The following TMEM132B variants were observed in gnomAD, a reference collection of about 807,000 sequenced individuals.
TMEM132B encodes transmembrane protein 132B.
Under a neutral mutation model 90.8 loss-of-function variants are expected in TMEM132B, and 18 were observed. The observed-to-expected ratio is 0.20, with a 90% CI of 0.14 to 0.29. The LOEUF (loss-of-function observed/expected upper bound fraction) is 0.29, where lower values mean the gene tolerates loss of function less well. TMEM132B is among the 10% of genes least tolerant of loss of function. The probability of loss-of-function intolerance (pLI) is 1.00; values close to 1 mark genes in which losing one functional copy is unlikely to be tolerated. For synonymous variants in TMEM132B, 504 were observed against 523.3 expected (o/e 0.96, Z 0.50); for missense variants, 1,096 against 1,326.8 (o/e 0.83, Z 2.70).
At chr12:125,261,136 G>A (rs981029068) in intron 1 of TMEM132B, among the ~76,000 whole-genome samples, 4 of 152,100 alleles carry the variant, frequency 2.6e-5, no homozygotes, top group African/African-American at 7.2e-5. Flanking sequence ...TTGTCTTCCC[G>A]GTGAGAAGTT....
chr12:125,200,787 T>C (rs1372546627), intron 1 of TMEM132B, among the ~76,000 whole-genome samples: 1 of 152,190 alleles, frequency 6.6e-6, no homozygotes, highest in Non-Finnish European at 1.5e-5. Flanking sequence ...GTTCTTAGAA[T>C]CCAGACCTCT....
At chr12:125,380,743 G>C (rs550589998) in intron 2 of TMEM132B, among the ~76,000 whole-genome samples, 1 of 152,216 alleles carries the variant, frequency 6.6e-6, no homozygotes, top group Non-Finnish European at 1.5e-5. Context: ...GAAGCAAGAG[G>C]AACGCAGCCC....
intron 5 of TMEM132B, among the ~76,000 whole-genome samples, chr12:125,640,989 G>T (rs528215335): frequency 2.0e-5 from 3 of 151,672 alleles, no homozygotes; most frequent in Non-Finnish European, 2.9e-5. Flanking sequence ...TATTACAAAA[G>T]AAATATTGAA....
intron 5 of TMEM132B, among the ~76,000 whole-genome samples, chr12:125,592,596 G>A (rs1337505930): frequency 2.0e-5 from 3 of 152,170 alleles, no homozygotes; most frequent in African/African-American, 7.2e-5. Context: ...CTGGTCACTA[G>A]ATAAAGCCTG....
Position 125,511,290 on chromosome 12 carries a change from A to G in TMEM132B, c.1107-8149A>G, listed in dbSNP as rs989630667. 2.0e-4 allele frequency among the ~76,000 whole-genome samples: 30 copies of G among 152,320 alleles called. 1 individual carries two copies. The East Asian group carries it at 2.7e-3, about 14-fold the overall frequency. The stretch of plus-strand genomic sequence containing the variant: ...TAGAAATACCACATTTTGTTGATCC[A>G]TTCATTGCTTGATAGAAAATTGGGT... On this transcript the variant is annotated intron_variant, in intron 3 of 8. Transcript: ENST00000682704.
chr12:125,272,599 C>T lies in TMEM132B; in HGVS notation c.68-76853C>T, dbSNP rs545081117. 3.0e-4 allele frequency among the ~76,000 whole-genome samples: 45 copies of T among 152,238 alleles called. No homozygotes were observed. In the South Asian group the frequency reaches 5.2e-3, roughly 18 times the overall value. ...AAAAAAAATAAACTCGAGTTGGCAC[C>T]ACATCCAAGTGGCATGTGGCGCGGG... On this transcript the variant is annotated intron_variant, in intron 1 of 8. Coordinates refer to ENST00000682704, the MANE Select transcript of TMEM132B (RefSeq NM_001366854.1).
intron 2 of TMEM132B, among the ~76,000 whole-genome samples, chr12:125,412,882 C>G (rs948068925): frequency 2.6e-5 from 4 of 151,974 alleles, no homozygotes; most frequent in Non-Finnish European, 5.9e-5. Context: ...AGAAAGAAAG[C>G]TTTGTGAAAG....
chr12:125,299,814 C>T (rs966831741), intron 1 of TMEM132B, among the ~76,000 whole-genome samples: 2 of 152,242 alleles, frequency 1.3e-5, no homozygotes, highest in African/African-American at 4.8e-5. Context: ...CCCTCCCACC[C>T]TGGTTCACTC....
intron 6 of TMEM132B, among the ~76,000 whole-genome samples, chr12:125,648,049 C>T (rs965226358): frequency 1.7e-5 from 2 of 116,842 alleles, no homozygotes; most frequent in African/African-American, 6.5e-5. Flanking sequence ...GCTACCCCTC[C>T]CCCCTCCCCC....
intron 3 of TMEM132B, among the ~76,000 whole-genome samples, chr12:125,493,018 A>G (rs1435838570): frequency 6.6e-6 from 1 of 152,168 alleles, no homozygotes; most frequent in African/African-American, 2.4e-5. Context: ...GGAGTTACGG[A>G]GTTCCACCCC....
intron 5 of TMEM132B, among the ~76,000 whole-genome samples, chr12:125,596,477 C>T (rs545560363): frequency 6.6e-6 from 1 of 152,312 alleles, no homozygotes; most frequent in South Asian, 2.1e-4. Flanking sequence ...TCCAGACATT[C>T]AACATTTAAC....
chr12:125,525,606 T>C (rs561596734), intron 4 of TMEM132B, among the ~76,000 whole-genome samples: 103 of 152,318 alleles, frequency 6.8e-4, no homozygotes, highest in African/African-American at 2.4e-3. Flanking sequence ...AGGAAGTAAA[T>C]TTCTGTTCTT....
At chr12:125,211,186 A>G (rs903485831) in intron 1 of TMEM132B, among the ~76,000 whole-genome samples, 2 of 152,170 alleles carry the variant, frequency 1.3e-5, no homozygotes, top group Non-Finnish European at 2.9e-5. Context: ...AAAACCTTAA[A>G]ATGGAGTTGC....
intron 1 of TMEM132B, among the ~76,000 whole-genome samples, chr12:125,273,258 A>G (rs1021988395): frequency 2.0e-5 from 3 of 152,228 alleles, no homozygotes; most frequent in Non-Finnish European, 2.9e-5. Flanking sequence ...AAAGAATAAA[A>G]CCATACAATG....
rs143151430 is a variant in TMEM132B at position 125,633,432 on chromosome 12, A to G, written c.1438-10644A>G. Among the ~76,000 whole-genome samples, 620 of 152,172 alleles carry G rather than the reference A, an allele frequency of 4.1e-3. 5 individuals carry two copies. Among genetic ancestry groups the G allele is most frequent in the African/African-American group, 0.014 (581 of 41,518 alleles). On this transcript the variant is annotated intron_variant, in intron 5 of 8. Transcript: ENST00000682704. ...CTCCAGGATTGGTCTCTTGTGCTTT[A>G]TTTAGTTTATTTGGTGAGGACATGT...
intron 1 of TMEM132B, among the ~76,000 whole-genome samples, chr12:125,290,212 C>T (rs919365880): frequency 3.3e-5 from 5 of 152,156 alleles, no homozygotes; most frequent in South Asian, 2.1e-4. Flanking sequence ...ACCCAACTGC[C>T]GAAGCTTCTG....
intron 1 of TMEM132B, among the ~76,000 whole-genome samples, chr12:125,228,985 T>C (rs1388885915): frequency 6.6e-6 from 1 of 152,150 alleles, no homozygotes; most frequent in African/African-American, 2.4e-5. Flanking sequence ...ATGCAGACCC[T>C]GAGGACCTGA....
At chr12:125,243,032 T>TATATATATATACACACACAC (rs1215676534) in intron 1 of TMEM132B, among the ~76,000 whole-genome samples, 13 of 135,008 alleles carry the variant, frequency 9.6e-5, no homozygotes, top group African/African-American at 3.0e-4. Flanking sequence ...TATATATATA[T>TATATATATATACACACACAC]ACACACACAC....
At chr12:125,494,714 C>T (rs937272334) in intron 3 of TMEM132B, among the ~76,000 whole-genome samples, 9 of 140,814 alleles carry the variant, frequency 6.4e-5, no homozygotes, top group African/African-American at 2.4e-4. Context: ...GGTCCCTCCT[C>T]CCCCTCCTCC....
Sources: allele counts gnomAD v4.1 joint callset (sites outside exome capture counted in the v4.1 genomes callset), GRCh38; gene constraint gnomAD v4.1.1; transcripts MANE v1.5; gene names NCBI Gene and HGNC (gene_info 2026-07-23, HGNC 2026-07-21).